CMTM8: variants seen among roughly 807,000 people sequenced by gnomAD.
The protein encoded by CMTM8 is CKLF-like MARVEL transmembrane domain-containing protein 8.
In CMTM8, 12 loss-of-function variants were observed where a neutral mutation model predicts 18.6. The ratio of observed to expected loss-of-function variants is 0.65; its 90% CI spans 0.41 to 1.05. CMTM8 has a LOEUF of 1.05. Among genes scored for constraint, CMTM8 ranks in the 50% least tolerant of loss-of-function variants. CMTM8 has a pLI of 0.00. For missense variants in CMTM8, 217 were observed against 227.2 expected (o/e 0.95, Z 0.29); for synonymous variants, 87 against 90.6 (o/e 0.96, Z 0.23).
intron 1 of CMTM8, among the ~76,000 whole-genome samples, chr3:32,273,895 G>A (rs1046779897): frequency 7.2e-5 from 11 of 152,136 alleles, no homozygotes; most frequent in African/African-American, 2.7e-4. Flanking sequence ...GAGTCCTCAA[G>A]GTTTAACAAA....
intron 1 of CMTM8, among the ~76,000 whole-genome samples, chr3:32,324,083 G>C (rs879498650): frequency 1.1e-4 from 16 of 152,182 alleles, no homozygotes; most frequent in Non-Finnish European, 1.6e-4. Context: ...CAGCCCTCCT[G>C]TTTCTACAGC....
At chr3:32,312,896 G>A (rs566990306) in intron 1 of CMTM8, among the ~76,000 whole-genome samples, 1 of 151,938 alleles carries the variant, frequency 6.6e-6, no homozygotes, top group African/African-American at 2.4e-5. Context: ...ACCTTTATTG[G>A]TCCAGGGCTG....
chr3:32,305,787 G>T (rs767719943), intron 1 of CMTM8, among the ~76,000 whole-genome samples: 2 of 152,176 alleles, frequency 1.3e-5, no homozygotes, highest in Non-Finnish European at 2.9e-5. Flanking sequence ...TTTCCTCCAT[G>T]CCACTGGCAA....
intron 1 of CMTM8, among the ~76,000 whole-genome samples, chr3:32,240,293 A>G (rs1559359025): frequency 6.6e-6 from 1 of 152,196 alleles, no homozygotes; most frequent in East Asian, 1.9e-4. Context: ...AAGGTATGAG[A>G]AGTGTTGGCT....
intron 1 of CMTM8, among the ~76,000 whole-genome samples, chr3:32,346,130 G>A (rs1696590378): frequency 6.6e-6 from 1 of 152,046 alleles, no homozygotes; most frequent in Admixed American, 6.6e-5. Flanking sequence ...CTCCAGCCTG[G>A]GCAACAAGAG....
chr3:32,352,220 A>AG (rs1696724542), intron 1 of CMTM8, among the ~76,000 whole-genome samples: 3 of 35,504 alleles, frequency 8.4e-5, no homozygotes, highest in Admixed American at 7.5e-4. Context: ...AAAAAAAAAG[A>AG]AAAAAAACTA....
At chr3:32,352,052 C>T (rs1490585266) in intron 1 of CMTM8, among the ~76,000 whole-genome samples, 1 of 151,658 alleles carries the variant, frequency 6.6e-6, no homozygotes, top group African/African-American at 2.4e-5. Flanking sequence ...GTGGTGCATT[C>T]CTGTAATTAC....
At chr3:32,300,515 G>A (rs1334811566) in intron 1 of CMTM8, among the ~76,000 whole-genome samples, 3 of 152,142 alleles carry the variant, frequency 2.0e-5, no homozygotes, top group Admixed American at 2.0e-4. Context: ...AGGCTGAGAG[G>A]CAAGCAGGAC....
chr3:32,299,182 T>C (rs1329742965), intron 1 of CMTM8, among the ~76,000 whole-genome samples: 1 of 151,946 alleles, frequency 6.6e-6, no homozygotes, highest in Admixed American at 6.6e-5. Flanking sequence ...GCCTGTATTA[T>C]CATACAGTGT....
chr3:32,334,915 C>T (rs2125586026), intron 1 of CMTM8, among the ~76,000 whole-genome samples: 1 of 152,240 alleles, frequency 6.6e-6, no homozygotes, highest in East Asian at 1.9e-4. Flanking sequence ...CAACTCCTAC[C>T]TTCCAGAAGG....
chr3:32,239,157 C>G, intron 1 of CMTM8, 38 bp downstream of exon 1: 1 of 1,559,966 alleles, frequency 6.4e-7, no homozygotes, highest in South Asian at 1.2e-5. Context: ...GGGGGCTCAG[C>G]TGGACCCCGG....
At chr3:32,277,430 G>A (rs1702536794) in intron 1 of CMTM8, among the ~76,000 whole-genome samples, 1 of 150,638 alleles carries the variant, frequency 6.6e-6, no homozygotes, top group Non-Finnish European at 1.5e-5. Flanking sequence ...TTGAGACAGA[G>A]TCTCACTATG....
chr3:32,355,900 C>T (rs1696806732), intron 1 of CMTM8, among the ~76,000 whole-genome samples: 1 of 152,184 alleles, frequency 6.6e-6, no homozygotes, highest in East Asian at 1.9e-4. Context: ...TGCTTTCAGC[C>T]TTCTGGTTAT....
intron 1 of CMTM8, among the ~76,000 whole-genome samples, chr3:32,350,597 T>C (rs1696689485): frequency 6.6e-6 from 1 of 151,832 alleles, no homozygotes; most frequent in South Asian, 2.1e-4. Flanking sequence ...CTTGGCTCAC[T>C]ACAATCTCTG....
At chr3:32,283,998 T>A (rs5012444) in intron 1 of CMTM8, among the ~76,000 whole-genome samples, 1 of 152,148 alleles carries the variant, frequency 6.6e-6, no homozygotes, top group Non-Finnish European at 1.5e-5. Context: ...CGCCTGTAAT[T>A]CCAGCACTTT....
intron 1 of CMTM8, among the ~76,000 whole-genome samples, chr3:32,242,192 A>C (rs933769231): frequency 6.6e-6 from 1 of 152,236 alleles, no homozygotes; most frequent in Non-Finnish European, 1.5e-5. Context: ...GTGGAAATGG[A>C]AATTTGCACC....
chr3:32,339,942 G>A (rs942821532), intron 1 of CMTM8, among the ~76,000 whole-genome samples: 22 of 152,118 alleles, frequency 1.4e-4, no homozygotes, highest in South Asian at 2.1e-4. Context: ...CAGCCTGGGC[G>A]ACAGAGTGAG....
At chr3:32,246,381 C>T (rs1265973057) in intron 1 of CMTM8, among the ~76,000 whole-genome samples, 1 of 152,126 alleles carries the variant, frequency 6.6e-6, no homozygotes, top group East Asian at 1.9e-4. Flanking sequence ...TGTCTGCGTC[C>T]CTCCACAGAA....
intron 1 of CMTM8, among the ~76,000 whole-genome samples, chr3:32,278,896 C>G (rs1029642007): frequency 1.3e-5 from 2 of 152,154 alleles, no homozygotes; most frequent in African/African-American, 4.8e-5. Flanking sequence ...ACAGCCTGTA[C>G]AGCTGTAGAT....
Sources: allele counts gnomAD v4.1 joint callset (sites outside exome capture counted in the v4.1 genomes callset), GRCh38; gene constraint gnomAD v4.1.1; transcripts MANE v1.5; gene names NCBI Gene and HGNC (gene_info 2026-07-23, HGNC 2026-07-21).